OAS3: variants seen among roughly 807,000 people sequenced by gnomAD.
OAS3 encodes 2'-5'-oligoadenylate synthetase 3.
OAS3 carries 107 observed loss-of-function variants against 113.0 expected under a neutral mutation model. That is an observed-to-expected ratio of 0.95 (90% CI 0.81 to 1.11). OAS3 has a LOEUF of 1.11. Ranked by LOEUF, OAS3 falls within the 50% of genes most tolerant of loss-of-function variation. OAS3 has a pLI of 0.00. For synonymous variants in OAS3, 552 were observed against 573.6 expected, an observed-to-expected ratio of 0.96 and a Z score of 0.54; for missense variants, 1,258 against 1,389.1, an observed-to-expected ratio of 0.91 and a Z score of 1.50.
chr12:112,950,440 G>C, intron 6 of OAS3: 1 of 528,818 alleles, frequency 1.9e-6, no homozygotes, highest in East Asian at 3.2e-5. Flanking sequence ...TCCATTATCT[G>C]TTGCTGCAGT....
Position 112,943,123 on chromosome 12 carries a change from T to C in OAS3, c.460+1271T>C, listed in dbSNP as rs1240491324. ...CTAATTTTTGTATTTTTTATAGAGATAGGGTTTCACCATGTTGTCTAGGCT... is the reference window on the plus strand; with the variant it reads ...CTAATTTTTGTATTTTTTATAGAGACAGGGTTTCACCATGTTGTCTAGGCT... On this transcript the variant is annotated intron_variant, in intron 2 of 15. Transcript: ENST00000228928. Among the ~76,000 whole-genome samples the C allele has an allele frequency of 9.9e-5, 15 of 151,888 alleles. 1 individual carries two copies.
chr12:112,972,491 A>T lies in OAS3; in HGVS notation c.*2518A>T, dbSNP rs55734623. Reference sequence around the variant, plus strand: ...ATGGTCACCCTAAAAACACCCACATATGCTTTTCGATGGAACCAGGTAAGT... The same window carrying T: ...ATGGTCACCCTAAAAACACCCACATTTGCTTTTCGATGGAACCAGGTAAGT... On this transcript the variant is annotated 3_prime_UTR_variant, in exon 16 of 16. Coordinates refer to ENST00000228928, the MANE Select transcript of OAS3 (RefSeq NM_006187.4). 1 of 152,228 alleles carries T rather than the reference A, an allele frequency of 6.6e-6. No homozygotes were observed. Among genetic ancestry groups the T allele is most frequent in the African/African-American group, 2.4e-5 (1 of 41,444 alleles). The allele number at this position is 152,228 out of a possible 1,614,324, so 9.4% of individuals were successfully genotyped here.
rs1325440801 is a variant in OAS3, at chr12:112,961,083, C to G, written c.1670C>G (p.Ser557Cys). 1 of 1,613,444 alleles carries G rather than the reference C, an allele frequency of 6.2e-7. No individual in the cohort carries two copies. The highest frequency in any genetic ancestry group is 1.3e-5 in the African/African-American group (1 of 75,002). Residue 557 changes from serine to cysteine, a missense_variant, in exon 8 of 16, where the codon TCT (serine) becomes TGT (cysteine). By Grantham distance (112) the Ser-to-Cys change is moderately radical. Transcript: ENST00000228928. The part of the protein sequence containing the change: ...PAFDAVGQLS[S>C]GTKPNPQVYS... ...CAAACTTCTACAGGGCAGCTCAGTT[C>G]TGGCACCAAACCAAATCCCCAGGTC...
chr12:112,955,579 A>C (rs940187366), intron 7 of OAS3, among the ~76,000 whole-genome samples: 1 of 152,176 alleles, frequency 6.6e-6, no homozygotes, highest in Non-Finnish European at 1.5e-5. Context: ...TGAAATAATC[A>C]TGTGGTTTTT....
At position 112,965,948 on chromosome 12, in the gene OAS3, G is replaced by C. The variant is rs768126336; in HGVS notation, c.2608G>C (p.Val870Leu). ...FEVSKWENPR[V>L]LSFSLTSQTM... ...AGTCTCCAAATGGGAGAATCCCCGC[G>C]TGCTGAGCTTCTCACTGACATCCCA... is the stretch of plus-strand genomic sequence containing the variant. Residue 870 changes from valine to leucine, a missense_variant, in exon 12 of 16, where the codon GTG becomes CTG. Physicochemically the swap from Val to Leu is conservative, Grantham distance 32. Coordinates refer to ENST00000228928, the MANE Select transcript of OAS3 (RefSeq NM_006187.4). The C allele has an allele frequency of 4.5e-5, 72 of 1,613,872 alleles. 1 individual carries two copies. The highest frequency in any genetic ancestry group is 2.8e-5 in the Non-Finnish European group (33 of 1,179,908).
At chr12:112,968,419 AG>A (rs1249222400) in intron 14 of OAS3, among the ~76,000 whole-genome samples, 1 of 152,244 alleles carries the variant, frequency 6.6e-6, no homozygotes, top group Non-Finnish European at 1.5e-5. Flanking sequence ...ATAACTTCTT[AG>A]TATAAGTATG....
In OAS3 at chr12:112,963,247, C is replaced by T; in HGVS notation, c.2085-66C>T. ...TCCAGCCCTCACGCCCCTTTTCAGCCCTTCCACCCGCCTCCTCTTTCACTG... is the reference window on the plus strand; with the variant it reads ...TCCAGCCCTCACGCCCCTTTTCAGCTCTTCCACCCGCCTCCTCTTTCACTG... On this transcript the variant is annotated intron_variant, in intron 9 of 15. Transcript: ENST00000228928. This position sits in a 1 kb window ranked among gnomAD's most constrained non-coding sequence, Gnocchi z 4.6. The T allele has an allele frequency of 2.7e-6, 4 of 1,477,884 alleles. No individual in the cohort carries two copies. The East Asian group carries it at 7.4e-5, about 27-fold the overall frequency. The allele number at this position is 1,477,884 out of a possible 1,614,324, so 91.5% of individuals were successfully genotyped here. A position where few individuals can be genotyped will look rare whatever the true frequency, so the allele number is the denominator to read the frequency against.
At chr12:112,965,523 G>C (rs978686890) in intron 11 of OAS3, among the ~76,000 whole-genome samples, 2 of 152,174 alleles carry the variant, frequency 1.3e-5, no homozygotes. Flanking sequence ...AAACATGATG[G>C]AATGAGAAAT....
rs1032779202 is a variant in OAS3 at position 112,967,656 on chromosome 12, CTGGGAGGAAGCA to C, written c.2865+64_2865+75del. 5.2e-6 allele frequency: 8 copies of C among 1,546,766 alleles called. No individual in the cohort carries two copies. In the African/African-American group the frequency reaches 1.1e-4, roughly 21 times the overall value. ...TGGGATCTGCCTCTGGAGCACTTTC[CTGGGAGGAAGCA>C]GGGCCCAGCCCTGGCCAAGATCCTG... On this transcript the variant is annotated intron_variant, in intron 13 of 15. Coordinates refer to ENST00000228928, the MANE Select transcript of OAS3 (RefSeq NM_006187.4).
chr12:112,967,878 C>T, intron 13 of OAS3, 58 bp from the exon 14 acceptor site: 1 of 1,543,378 alleles, frequency 6.5e-7, no homozygotes, highest in South Asian at 1.3e-5. Flanking sequence ...CAGAATAATC[C>T]CTTCTGTACC....
rs1241648417 is a variant in OAS3, at chr12:112,970,805, A to C, written c.*832A>C. 6.6e-6 allele frequency: 1 copy of C among 152,230 alleles called. No homozygotes were observed. The highest frequency in any genetic ancestry group is 2.4e-5 in the African/African-American group (1 of 41,456). 9.4% of individuals were successfully genotyped at this position (152,230 alleles called of 1,614,324 possible). ...TGGACACCTAATTGGATGCCTCTTC[A>C]TGAGAGGCCTCCTTTTCTTCACCTT... On this transcript the variant is annotated 3_prime_UTR_variant, in exon 16 of 16. Transcript: ENST00000228928.
Position 112,971,612 on chromosome 12 carries a change from A to C in OAS3, c.*1639A>C, listed in dbSNP as rs940768030. On this transcript the variant is annotated 3_prime_UTR_variant, in exon 16 of 16. Transcript: ENST00000228928. ...CTTCTCTGCTCCACAGGAGTGCCTT[A>C]GACAGCCTGACTCTCCACAAACCAC... 2.0e-5 allele frequency: 3 copies of C among 152,260 alleles called. No individual in the cohort carries two copies. The highest frequency in any genetic ancestry group is 6.5e-5 in the Admixed American group (1 of 15,286). 9.4% of individuals were successfully genotyped at this position (152,260 alleles called of 1,614,324 possible).
At position 112,950,688 on chromosome 12, in the gene OAS3, C is replaced by T; in HGVS notation, c.1375-5C>T. 5 of 1,613,864 alleles carry T rather than the reference C, an allele frequency of 3.1e-6. No individual in the cohort carries two copies. The highest frequency in any genetic ancestry group is 4.2e-6 in the Non-Finnish European group (5 of 1,179,794). On this transcript the variant is annotated splice_region_variant and splice_polypyrimidine_tract_variant and intron_variant, in intron 6 of 15. Transcript: ENST00000228928. ...CCCTGATCTGAGCTGTTCTTCCCTC[C>T]ACAGGGGGGCTCATTTGGCCGGGGC...
chr12:112,946,006 A>C lies in OAS3; in HGVS notation c.637-737A>C, dbSNP rs74369207. On this transcript the variant is annotated intron_variant, in intron 3 of 15. Transcript: ENST00000228928. ...GACTCTGTCTATAAATTAATTAATT[A>C]ATTAATACAACTATGGAGCCAGCCT... Among the ~76,000 whole-genome samples the C allele has an allele frequency of 3.9e-3, 599 of 152,194 alleles. 7 individuals carry two copies. Among genetic ancestry groups the C allele is most frequent in the African/African-American group, 0.014 (585 of 41,514 alleles).
intron 8 of OAS3, 104 bp from the exon 9 acceptor site, chr12:112,962,548 C>G: frequency 1.5e-6 from 2 of 1,354,560 alleles, no homozygotes; most frequent in Non-Finnish European, 2.0e-6. Context: ...TCTATTCTTT[C>G]TGCGCTTCTA....
In OAS3 at chr12:112,946,820, G is replaced by A. The variant is rs745714139; in HGVS notation, c.714G>A (p.Glu238=). The change falls in exon 4 of 16, where the codon GAG becomes GAA. Residue 238 remains glutamate (E), a synonymous_variant. Coordinates refer to ENST00000228928, the MANE Select transcript of OAS3 (RefSeq NM_006187.4). ...ALELLTIFAW[E]QGCKKDAFSL... is the part of the protein sequence containing the mutation. ...AATTGCTGACCATCTTCGCCTGGGA[G>A]CAGGGCTGTAAGAAGGATGCTTTCA... 2 of 1,613,724 alleles carry A rather than the reference G, an allele frequency of 1.2e-6. No individual in the cohort carries two copies. Among genetic ancestry groups the A allele is most frequent in the Non-Finnish European group, 8.5e-7 (1 of 1,179,806 alleles).
chr12:112,951,029 C>G, intron 7 of OAS3, 54 bp downstream of exon 7: 1 of 1,534,914 alleles, frequency 6.5e-7, no homozygotes, highest in African/African-American at 1.4e-5. Context: ...AGGCGCCCAT[C>G]TAACAGGGGC....
intron 11 of OAS3, among the ~76,000 whole-genome samples, chr12:112,965,364 A>T (rs2043924002): frequency 6.6e-6 from 1 of 152,092 alleles, no homozygotes; most frequent in South Asian, 2.1e-4. Flanking sequence ...CCAAGCCCCA[A>T]CCCAGGAAAA....
intron 13 of OAS3, 115 bp from the exon 14 acceptor site, chr12:112,967,821 G>T: frequency 8.0e-7 from 1 of 1,246,994 alleles, no homozygotes. Context: ...AAGGCATCTG[G>T]CACATGTAGG....
Sources: gnomAD v4.1 joint callset for allele counts (sites outside exome capture counted in the v4.1 genomes callset) on GRCh38, gnomAD v4.1.1 for gene constraint, Gnocchi (gnomAD v3.1) non-coding constraint, MANE v1.5 for transcripts, NCBI Gene and HGNC (gene_info 2026-07-23, HGNC 2026-07-21) for gene names.